Variants in RIMKLB observed in about 807,000 individuals in gnomAD.
The protein encoded by RIMKLB is beta-citrylglutamate synthase B.
A neutral mutation model predicts 32.0 loss-of-function variants in RIMKLB; 7 were observed. The observed-to-expected ratio is 0.22, with a 90% CI of 0.12 to 0.41. RIMKLB has a LOEUF of 0.41. RIMKLB is among the 10% of genes least tolerant of loss of function. RIMKLB has a pLI of 1.00. For missense variants in RIMKLB, 289 were observed against 498.7 expected, an observed-to-expected ratio of 0.58 and a Z score of 4.00; for synonymous variants, 172 against 185.1, an observed-to-expected ratio of 0.93 and a Z score of 0.57.
At chr12:8,690,027 T>G (rs1942686554) in intron 1 of RIMKLB, among the ~76,000 whole-genome samples, 1 of 152,192 alleles carries the variant, frequency 6.6e-6, no homozygotes, top group Non-Finnish European at 1.5e-5. Flanking sequence ...CAATAAGCCA[T>G]GTTTTCTCCA....
Position 8,775,541 on chromosome 12 carries a change from A to C in RIMKLB, c.*1757A>C. ...TGCCTCTCCAGTGCTATTTTCCTTC[A>C]GATGGACCTTAAACATAATTTCTTG... is the stretch of plus-strand genomic sequence containing the variant. On this transcript the variant is annotated 3_prime_UTR_variant, in exon 6 of 6. Transcript: ENST00000535829. The C allele has an allele frequency of 1.0e-6, 1 of 985,784 alleles. No individual in the cohort carries two copies. The allele number at this position is 985,784 out of a possible 1,614,324, so 61.1% of individuals were successfully genotyped here.
chr12:8,759,100 A>G (rs1240259816), intron 5 of RIMKLB, among the ~76,000 whole-genome samples: 1 of 152,176 alleles, frequency 6.6e-6, no homozygotes, highest in Non-Finnish European at 1.5e-5. Context: ...CAAAATACAT[A>G]TTTAAAAAAA....
intron 5 of RIMKLB, among the ~76,000 whole-genome samples, chr12:8,767,758 C>T (rs1950089050): frequency 6.6e-6 from 1 of 152,152 alleles, no homozygotes; most frequent in African/African-American, 2.4e-5. Context: ...CGCTCCCAAT[C>T]CAGAAGGTTT....
intron 1 of RIMKLB, among the ~76,000 whole-genome samples, chr12:8,708,883 CT>C (rs780687898): frequency 2.0e-5 from 3 of 152,146 alleles, no homozygotes; most frequent in Non-Finnish European, 4.4e-5. Context: ...AATAAACTCT[CT>C]TTGTAGAATT....
chr12:8,761,488 C>T (rs1949518059), intron 5 of RIMKLB, among the ~76,000 whole-genome samples: 2 of 152,096 alleles, frequency 1.3e-5, no homozygotes, highest in African/African-American at 4.8e-5. Context: ...TTGTCGCTCC[C>T]TGCTCAAATG....
At chr12:8,759,272 G>T (rs1011382646) in intron 5 of RIMKLB, among the ~76,000 whole-genome samples, 1 of 152,120 alleles carries the variant, frequency 6.6e-6, no homozygotes, top group Non-Finnish European at 1.5e-5. Context: ...GCAGCCACCT[G>T]TAGTCCCAGC....
chr12:8,736,020 G>A (rs888614258), intron 2 of RIMKLB, among the ~76,000 whole-genome samples: 1 of 152,150 alleles, frequency 6.6e-6, no homozygotes, highest in African/African-American at 2.4e-5. Context: ...GTGAGCCACT[G>A]CCCTGGCCTA....
chr12:8,758,151 CT>C (rs1010795864), intron 5 of RIMKLB, among the ~76,000 whole-genome samples: 7 of 151,600 alleles, frequency 4.6e-5, no homozygotes, highest in Admixed American at 2.0e-4. Context: ...CATCTGTTTG[CT>C]TTTTTTTAGT....
chr12:8,710,847 G>T (rs1321873613), intron 1 of RIMKLB, among the ~76,000 whole-genome samples: 2 of 151,732 alleles, frequency 1.3e-5, no homozygotes, highest in East Asian at 1.9e-4. Context: ...TCATTGATTG[G>T]CAAGGCATGG....
At chr12:8,746,253 A>G (rs1254845266) in intron 2 of RIMKLB, among the ~76,000 whole-genome samples, 1 of 151,416 alleles carries the variant, frequency 6.6e-6, no homozygotes, top group African/African-American at 2.4e-5. Flanking sequence ...GTTTTTTTCA[A>G]TTTTTAGAAT....
intron 2 of RIMKLB, among the ~76,000 whole-genome samples, chr12:8,719,340 A>T (rs1271792820): frequency 6.6e-6 from 1 of 152,062 alleles, no homozygotes; most frequent in African/African-American, 2.4e-5. Context: ...AAGCCCTGGG[A>T]TTATAAATTA....
chr12:8,759,847 A>G (rs773180472), intron 5 of RIMKLB, among the ~76,000 whole-genome samples: 2 of 152,332 alleles, frequency 1.3e-5, no homozygotes, highest in African/African-American at 4.8e-5. Flanking sequence ...TATTTAGGAT[A>G]CTATATTTAA....
At position 8,698,388 on chromosome 12, in the gene RIMKLB, C is replaced by A. The variant is rs561766763; in HGVS notation, c.-57+91C>A. ...TGGGCGAGTTCAGCGGAATGGATCC[C>A]CCGATTAGCGGGGGCTGGGCCGGGG... On this transcript the variant is annotated intron_variant, in intron 1 of 5. Transcript: ENST00000535829. 593 of 177,668 alleles carry A rather than the reference C, an allele frequency of 3.3e-3. 3 individuals carry two copies. Among genetic ancestry groups the A allele is most frequent in the Non-Finnish European group, 5.4e-3 (429 of 79,832 alleles). The allele number at this position is 177,668 out of a possible 1,614,324, so 11.0% of individuals were successfully genotyped here. A position where few individuals can be genotyped will look rare whatever the true frequency, so the allele number is the denominator to read the frequency against.
upstream of RIMKLB, chr12:8,678,774 T>A (rs1349845066): frequency 6.6e-6 from 1 of 152,208 alleles, no homozygotes; most frequent in East Asian, 1.9e-4. Flanking sequence ...ATTTCCCTCA[T>A]TGTGGTCACT....
intron 2 of RIMKLB, among the ~76,000 whole-genome samples, chr12:8,733,699 C>T (rs2137342223): frequency 6.6e-6 from 1 of 152,258 alleles, no homozygotes; most frequent in East Asian, 1.9e-4. Flanking sequence ...ATAGCAAGAC[C>T]TTGTCACTAC....
the RIMKLB span, among the ~76,000 whole-genome samples, chr12:8,671,358 A>G: frequency 6.6e-6 from 1 of 151,672 alleles, no homozygotes; most frequent in Admixed American, 6.6e-5. Context: ...TCAAGCAATT[A>G]TCCTGCCTCA....
In RIMKLB at chr12:8,782,655, A is replaced by ATAGAT. The variant is rs3841521; in HGVS notation, c.*298-255_*298-251dup. Among the ~76,000 whole-genome samples the ATAGAT allele has an allele frequency of 9.3e-4, 141 of 152,300 alleles. 2 individuals carry two copies. In the East Asian group the frequency reaches 0.017, roughly 18 times the overall value. On this transcript the variant is annotated intron_variant, in intron 7 of 7. Coordinates refer to the RIMKLB transcript ENST00000619374. ...ATAAGGTTGCTCTTGTAAAACAGTAATAGATTTAGCTTTTATTTTTTAATG... is the reference window on the plus strand; with the variant it reads ...ATAAGGTTGCTCTTGTAAAACAGTAATAGATTAGATTTAGCTTTTATTTTTTAATG...
At chr12:8,763,688 G>A (rs369192358) in intron 5 of RIMKLB, among the ~76,000 whole-genome samples, 8 of 152,228 alleles carry the variant, frequency 5.3e-5, no homozygotes, top group Admixed American at 6.5e-5. Context: ...GTTTAAAAGC[G>A]CTTGGGTGGC....
intron 1 of RIMKLB, among the ~76,000 whole-genome samples, chr12:8,684,208 C>G (rs1163153727): frequency 6.6e-6 from 1 of 151,602 alleles, no homozygotes; most frequent in African/African-American, 2.4e-5. Context: ...GAGTCTCGCT[C>G]TGCCACCCAG....
Sources: gnomAD v4.1 joint callset for allele counts (sites outside exome capture counted in the v4.1 genomes callset) on GRCh38, gnomAD v4.1.1 for gene constraint, MANE v1.5 for transcripts, NCBI Gene and HGNC (gene_info 2026-07-23, HGNC 2026-07-21) for gene names.